The following RASSF8 variants were observed in gnomAD, a reference collection of about 807,000 sequenced individuals.
RASSF8 encodes the protein ras association domain-containing protein 8.
In RASSF8, 22 loss-of-function variants were observed where a neutral mutation model predicts 48.5. The ratio of observed to expected loss-of-function variants is 0.45; its 90% CI spans 0.32 to 0.65. The LOEUF is 0.65. Among genes scored for constraint, RASSF8 ranks in the 30% least tolerant of loss-of-function variants. The pLI is 0.03. For synonymous variants in RASSF8, 127 were observed against 171.5 expected, an observed-to-expected ratio of 0.74 and a Z score of 2.03; for missense variants, 418 against 489.2, an observed-to-expected ratio of 0.85 and a Z score of 1.37.
intron 1 of RASSF8, among the ~76,000 whole-genome samples, chr12:25,967,376 A>G (rs902950262): frequency 7.2e-5 from 11 of 152,184 alleles, no homozygotes; most frequent in African/African-American, 2.4e-4. Context: ...AATCTCAAAT[A>G]CACTTTTTAA....
chr12:25,975,492 C>A (rs1941584016), intron 1 of RASSF8, among the ~76,000 whole-genome samples: 1 of 152,152 alleles, frequency 6.6e-6, no homozygotes, highest in Non-Finnish European at 1.5e-5. Context: ...TTTAGAATAA[C>A]CTGGGTTCAG....
chr12:26,012,603 T>G (rs1470536015), intron 2 of RASSF8, among the ~76,000 whole-genome samples: 2 of 152,160 alleles, frequency 1.3e-5, no homozygotes, highest in Non-Finnish European at 2.9e-5. Context: ...AGTTGAATTT[T>G]TAAAATATGT....
intron 2 of RASSF8, among the ~76,000 whole-genome samples, chr12:26,039,070 C>G (rs1412384443): frequency 6.6e-6 from 1 of 151,902 alleles, no homozygotes; most frequent in Non-Finnish European, 1.5e-5. Flanking sequence ...CATGGATGTT[C>G]CTTGTGATTG....
chr12:26,028,098 T>G (rs1013202440), intron 2 of RASSF8, among the ~76,000 whole-genome samples: 4 of 152,200 alleles, frequency 2.6e-5, no homozygotes, highest in Non-Finnish European at 5.9e-5. Context: ...CAGATTATAG[T>G]TGATTTGGGA....
chr12:26,004,062 A>T (rs1243187337), intron 2 of RASSF8, among the ~76,000 whole-genome samples: 6 of 152,176 alleles, frequency 3.9e-5, no homozygotes, highest in Non-Finnish European at 8.8e-5. Flanking sequence ...CTATAGTCCC[A>T]GCTACTGGGG....
At chr12:26,003,562 A>G (rs1942313699) in intron 2 of RASSF8, among the ~76,000 whole-genome samples, 1 of 152,192 alleles carries the variant, frequency 6.6e-6, no homozygotes, top group African/African-American at 2.4e-5. Context: ...TGGAAAAATG[A>G]TAACCTGAAA....
intron 2 of RASSF8, chr12:26,011,803 C>A (rs182216298): frequency 6.6e-6 from 1 of 152,318 alleles, no homozygotes; most frequent in East Asian, 1.9e-4. Context: ...TGACCTTGGA[C>A]TTTCCAGCTT....
intron 2 of RASSF8, among the ~76,000 whole-genome samples, chr12:26,025,894 TAAAA>T (rs966544889): frequency 3.3e-5 from 5 of 150,270 alleles, no homozygotes; most frequent in Non-Finnish European, 5.9e-5. Flanking sequence ...AAGACCAAAA[TAAAA>T]AAAAAGACAT....
At position 26,064,701 on chromosome 12, in the gene RASSF8, A is replaced by G. The variant is rs1943826521; in HGVS notation, c.307A>G (p.Arg103Gly). 6.2e-7 allele frequency: 1 copy of G among 1,614,154 alleles called. No homozygotes were observed. Among genetic ancestry groups the G allele is most frequent in the Non-Finnish European group, 8.5e-7 (1 of 1,180,008 alleles). Residue 103 changes from arginine (R) to glycine (G), a missense_variant, in exon 4 of 6, where the codon AGG (arginine) becomes GGG (glycine). Physicochemically the swap from Arg to Gly is moderately radical, Grantham distance 125. Transcript: ENST00000689635. ...TCGAATTCCTGAAAGAACTTTATAC[A>G]GGCAGAGTCTGCCCCCCTTAGCTAA... ...VARIPERTLY[R>G]QSLPPLAKLR... is the part of the protein sequence containing the mutation.
chr12:25,995,493 C>T (rs1942112309), intron 2 of RASSF8, among the ~76,000 whole-genome samples: 1 of 152,164 alleles, frequency 6.6e-6, no homozygotes, highest in Non-Finnish European at 1.5e-5. Flanking sequence ...TTGGCAACCT[C>T]TTTTAAAGCA....
At chr12:26,002,585 C>G (rs1214583103) in intron 2 of RASSF8, among the ~76,000 whole-genome samples, 1 of 152,130 alleles carries the variant, frequency 6.6e-6, no homozygotes, top group East Asian at 1.9e-4. Flanking sequence ...ACCAGCCTGA[C>G]CAACATGGTG....
At chr12:25,986,958 A>G (rs1308731043) in intron 1 of RASSF8, among the ~76,000 whole-genome samples, 1 of 94,918 alleles carries the variant, frequency 1.1e-5, no homozygotes, top group African/African-American at 3.5e-5. Flanking sequence ...TTGTTTTGCA[A>G]CGGAGTTTCG....
intron 4 of RASSF8, among the ~76,000 whole-genome samples, chr12:26,066,487 A>C (rs1000931348): frequency 1.8e-4 from 27 of 152,258 alleles, no homozygotes; most frequent in African/African-American, 6.3e-4. Context: ...CTACCACCCA[A>C]ATTTTGAAAA....
intron 1 of RASSF8, among the ~76,000 whole-genome samples, chr12:25,978,846 C>A (rs1384678521): frequency 6.6e-6 from 1 of 152,048 alleles, no homozygotes; most frequent in Non-Finnish European, 1.5e-5. Flanking sequence ...GCATGAAAAC[C>A]TTAATGAAAG....
chr12:26,066,301 A>G (rs1265659528), intron 4 of RASSF8, among the ~76,000 whole-genome samples: 1 of 152,172 alleles, frequency 6.6e-6, no homozygotes, highest in Non-Finnish European at 1.5e-5. Flanking sequence ...ACTACTTGTA[A>G]GAAATTCAGA....
chr12:26,073,757 A>T (rs1478688554), downstream of RASSF8, among the ~76,000 whole-genome samples: 17 of 133,618 alleles, frequency 1.3e-4, no homozygotes, highest in South Asian at 4.8e-4. Context: ...ATACACACAC[A>T]CACACACACA....
chr12:25,996,628 C>A (rs1190866873), intron 2 of RASSF8, among the ~76,000 whole-genome samples: 1 of 152,116 alleles, frequency 6.6e-6, no homozygotes, highest in Non-Finnish European at 1.5e-5. Flanking sequence ...CTCAAACATT[C>A]AATATTCTCT....
At chr12:26,045,913 G>C (rs553650751) in intron 2 of RASSF8, among the ~76,000 whole-genome samples, 5 of 152,090 alleles carry the variant, frequency 3.3e-5, no homozygotes, top group Non-Finnish European at 7.4e-5. Flanking sequence ...CATCTCTTAC[G>C]TAGACAAAAA....
chr12:25,961,843 C>T (rs984029355), intron 1 of RASSF8, among the ~76,000 whole-genome samples: 1 of 152,184 alleles, frequency 6.6e-6, no homozygotes, highest in African/African-American at 2.4e-5. Flanking sequence ...TCCACTCTCT[C>T]TTTTCTTCTA....
Sources: gnomAD v4.1 joint callset for allele counts (sites outside exome capture counted in the v4.1 genomes callset) on GRCh38, gnomAD v4.1.1 for gene constraint, MANE v1.5 for transcripts, NCBI Gene and HGNC (gene_info 2026-07-23, HGNC 2026-07-21) for gene names.